POLM: variants seen among roughly 807,000 people sequenced by gnomAD.
The protein encoded by POLM is DNA polymerase mu, also known as DNA-directed DNA/RNA polymerase mu.
A neutral mutation model predicts 56.7 loss-of-function variants in POLM; 52 were observed. That is an observed-to-expected ratio of 0.92 (90% CI 0.73 to 1.15). The LOEUF is 1.15. POLM is among the 50% of genes most tolerant of loss of function. POLM has a pLI of 0.00. For missense variants in POLM, 660 were observed against 663.6 expected (o/e 0.99, Z 0.06); for synonymous variants, 273 against 274.3 (o/e 1.00, Z 0.05).
intron 6 of POLM, 148 bp downstream of exon 6, chr7:44,076,361 C>T: frequency 2.2e-6 from 2 of 908,250 alleles, no homozygotes; most frequent in East Asian, 2.5e-5. Context: ...CCTGACTGCA[C>T]TGGGTGGAGA....
rs1211698188 is a variant in POLM, at chr7:44,074,492, G to A, written c.874C>T (p.Arg292Trp). 10 of 1,597,772 alleles carry A rather than the reference G, an allele frequency of 6.3e-6. No homozygotes were observed. The highest frequency in any genetic ancestry group is 2.3e-5 in the East Asian group (1 of 44,282). Residue 292 changes from arginine (R) to tryptophan (W), a missense_variant, in exon 7 of 11, where the codon CGG (arginine) becomes TGG (tryptophan). Coordinates refer to ENST00000242248, the MANE Select transcript of POLM (RefSeq NM_013284.4). ...TGCTGCAGGGCATCTACATCGGACC[G>A]CAGGACTGGGGTGCTCAGGTCCTGG... ...HHQDLSTPVL[R>W]SDVDALQQVV...
intron 6 of POLM, among the ~76,000 whole-genome samples, chr7:44,075,478 T>C (rs1308407310): frequency 6.6e-6 from 1 of 150,866 alleles, no homozygotes; most frequent in Non-Finnish European, 1.5e-5. Flanking sequence ...GCTCTGCGGG[T>C]CTCACCTCCT....
intron 6 of POLM, 105 bp downstream of exon 6, chr7:44,076,403 CA>C: frequency 6.8e-7 from 1 of 1,461,522 alleles, no homozygotes; most frequent in Non-Finnish European, 9.3e-7. Context: ...AAGCTGCCAC[CA>C]AACCCTCTGC....
chr7:44,073,200 G>A lies in POLM; in HGVS notation c.*91C>T, dbSNP rs776660158. On this transcript the variant is annotated 3_prime_UTR_variant, in exon 11 of 11. Transcript: ENST00000242248. Reference sequence around the variant, plus strand: ...TTGGCGGGGAGGGGTGAAGGTGGGGGTCAGGGGGCAGCATATCTGCCTGGA... The same window carrying A: ...TTGGCGGGGAGGGGTGAAGGTGGGGATCAGGGGGCAGCATATCTGCCTGGA... 6.9e-6 allele frequency: 11 copies of A among 1,604,956 alleles called. No individual in the cohort carries two copies. The highest frequency in any genetic ancestry group is 4.5e-5 in the East Asian group (2 of 44,616).
chr7:44,074,325 G>C, intron 7 of POLM, 73 bp downstream of exon 7: 1 of 1,543,252 alleles, frequency 6.5e-7, no homozygotes, highest in Non-Finnish European at 8.8e-7. Flanking sequence ...CCCGCTTCAG[G>C]GTCCCCGACT....
At position 44,082,449 on chromosome 7, in the gene POLM, G is replaced by C. The variant is rs1362042122; in HGVS notation, c.-11C>G. 1 of 1,241,600 alleles carries C rather than the reference G, an allele frequency of 8.1e-7. No homozygotes were observed. The allele number at this position is 1,241,600 out of a possible 1,614,324, so 76.9% of individuals were successfully genotyped here. ...CCGTTTGGGGAGCATTGGGACGACAGCCTCCAGCAGCGCGGAGCGAACGCA... is the reference window on the plus strand; with the variant it reads ...CCGTTTGGGGAGCATTGGGACGACACCCTCCAGCAGCGCGGAGCGAACGCA... On this transcript the variant is annotated 5_prime_UTR_variant, in exon 1 of 11. Coordinates refer to ENST00000242248, the MANE Select transcript of POLM (RefSeq NM_013284.4).
At chr7:44,078,886 G>C in intron 4 of POLM, 75 bp from the exon 5 acceptor site, 1 of 1,277,992 alleles carries the variant, frequency 7.8e-7, no homozygotes, top group Non-Finnish European at 1.1e-6. Context: ...GTTAGGGTCA[G>C]GGCTGGGGGC....
At chr7:44,078,585 G>C in intron 5 of POLM, 155 bp downstream of exon 5, 1 of 636,848 alleles carries the variant, frequency 1.6e-6, no homozygotes, top group South Asian at 1.8e-5. Flanking sequence ...GTGCATATCA[G>C]GTATCAGCTT....
chr7:44,076,676 G>A, intron 5 of POLM, 47 bp from the exon 6 acceptor site: 1 of 1,607,534 alleles, frequency 6.2e-7, no homozygotes, highest in South Asian at 1.1e-5. Context: ...CTCATGGCTA[G>A]ACTCGGATGA....
At chr7:44,073,405 C>T in intron 10 of POLM, 28 bp from the exon 11 acceptor site, 2 of 1,609,364 alleles carry the variant, frequency 1.2e-6, no homozygotes, top group Middle Eastern at 3.4e-4. Context: ...CTTCCGTGAC[C>T]TAGGAGTCTT....
chr7:44,079,699 T>C lies in POLM; in HGVS notation c.514A>G (p.Ser172Gly). 6.2e-7 allele frequency: 1 copy of C among 1,612,528 alleles called. No homozygotes were observed. Among genetic ancestry groups the C allele is most frequent in the Non-Finnish European group, 8.5e-7 (1 of 1,179,242 alleles). ...ILAEAAGFEG[S>G]EGRLLTFCRA... ...CAGAAGGTGAGGAGGCGGCCCTCAC[T>C]GCCTTCAAAGCCTGCTGCCTCGGCC... Residue 172 changes from serine to glycine, a missense_variant, in exon 4 of 11, where the codon AGT (serine) becomes GGT (glycine). Transcript: ENST00000242248.
chr7:44,082,468 G>A lies in POLM; in HGVS notation c.-30C>T, dbSNP rs1314404907. 3.7e-6 allele frequency: 4 copies of A among 1,084,278 alleles called. No homozygotes were observed. The highest frequency in any genetic ancestry group is 1.9e-5 in the South Asian group (1 of 53,208). 67.2% of individuals were successfully genotyped at this position (1,084,278 alleles called of 1,614,324 possible). ...ACGACAGCCTCCAGCAGCGCGGAGC[G>A]AACGCAGAGGGAAACTCCGAGCGAG... On this transcript the variant is annotated 5_prime_UTR_variant, in exon 1 of 11. Coordinates refer to ENST00000242248, the MANE Select transcript of POLM (RefSeq NM_013284.4).
intron 5 of POLM, chr7:44,078,484 A>G (rs2096189891): frequency 2.0e-6 from 1 of 508,240 alleles, no homozygotes; most frequent in Non-Finnish European, 3.5e-6. Context: ...AATAAAACAA[A>G]AAGCCCCAAA....
rs1562671136 is a variant in POLM at position 44,078,745 on chromosome 7, TG to T, written c.708del (p.Met237Ter). 6.2e-7 allele frequency: 1 copy of T among 1,613,830 alleles called. No homozygotes were observed. Among genetic ancestry groups the T allele is most frequent in the Admixed American group, 1.7e-5 (1 of 60,018 alleles). ...CCGAGCCCTGCCCTGCGCACCTTCA[TG>T]GTCTGGTACCTCTCTGAGCGCCGAA... Reference protein sequence around the residue: ...ERVRRSERYQTMKLFTQIFGV... With the variant: ...ERVRRSERYQXMKLFTQIFGV... On this transcript the variant is annotated frameshift_variant, in exon 5 of 11. Transcript: ENST00000242248. LOFTEE classifies it high-confidence loss of function.
intron 1 of POLM, among the ~76,000 whole-genome samples, chr7:44,081,871 G>A (rs571882711): frequency 6.7e-5 from 10 of 148,858 alleles, no homozygotes; most frequent in Admixed American, 4.8e-4. Context: ...TCAGCCTCCC[G>A]AGTAGCTGGG....
Position 44,078,749 on chromosome 7 carries a change from C to A in POLM, c.705G>T (p.Gln235His). 1 of 1,613,970 alleles carries A rather than the reference C, an allele frequency of 6.2e-7. No homozygotes were observed. Among genetic ancestry groups the A allele is most frequent in the South Asian group, 1.1e-5 (1 of 91,078 alleles). Residue 235 changes from glutamine to histidine, a missense_variant, in exon 5 of 11, where the codon CAG (glutamine) becomes CAT (histidine). Coordinates refer to ENST00000242248, the MANE Select transcript of POLM (RefSeq NM_013284.4). ...VERVRRSERY[Q>H]TMKLFTQIFG... ...GCCCTGCCCTGCGCACCTTCATGGTCTGGTACCTCTCTGAGCGCCGAACTC... is the reference window on the plus strand; with the variant it reads ...GCCCTGCCCTGCGCACCTTCATGGTATGGTACCTCTCTGAGCGCCGAACTC...
intron 9 of POLM, 27 bp from the exon 10 acceptor site, chr7:44,073,735 G>A: frequency 1.9e-6 from 3 of 1,614,142 alleles, no homozygotes; most frequent in Non-Finnish European, 2.5e-6. Flanking sequence ...GTCCTCAGCA[G>A]GGCTGGCCCA....
Position 44,072,853 on chromosome 7 carries a change from G to A in POLM, c.*438C>T. 1 of 440,640 alleles carries A rather than the reference G, an allele frequency of 2.3e-6. No individual in the cohort carries two copies. Among genetic ancestry groups the A allele is most frequent in the South Asian group, 6.3e-5 (1 of 15,980 alleles). 27.3% of individuals were successfully genotyped at this position (440,640 alleles called of 1,614,324 possible). A position where few individuals can be genotyped will look rare whatever the true frequency, so the allele number is the denominator to read the frequency against. ...GCTCATGGCTCTCAAATGCAGTGCA[G>A]GTATGCATGGTTCTCTTCTGGGCAT... On this transcript the variant is annotated 3_prime_UTR_variant, in exon 11 of 11. Transcript: ENST00000242248.
Position 44,076,556 on chromosome 7 carries a change from T to C in POLM, c.788A>G (p.Asp263Gly). 1.2e-6 allele frequency: 2 copies of C among 1,614,062 alleles called. No individual in the cohort carries two copies. The highest frequency in any genetic ancestry group is 1.7e-6 in the Non-Finnish European group (2 of 1,179,984). ...RWYREGLRTL[D>G]DLREQPQKLT... ...TTTCTGGGGCTGCTCTCGGAGGTCA[T>C]CTAAGGTTCGCAGTCCTTCCCGGTA... is the stretch of plus-strand genomic sequence containing the variant. Residue 263 changes from aspartate to glycine, a missense_variant, in exon 6 of 11, where the codon GAT becomes GGT. Transcript: ENST00000242248.
Sources: allele counts gnomAD v4.1 joint callset (sites outside exome capture counted in the v4.1 genomes callset), GRCh38; gene constraint gnomAD v4.1.1; transcripts MANE v1.5; gene names NCBI Gene and HGNC (gene_info 2026-07-23, HGNC 2026-07-21).